The following CEP72 variants were observed in gnomAD, a reference collection of about 807,000 sequenced individuals.
CEP72 encodes the protein centrosomal protein of 72 kDa.
CEP72 carries 78 observed loss-of-function variants against 65.7 expected under a neutral mutation model. That is an observed-to-expected ratio of 1.19 (90% confidence interval 0.99 to 1.43). The LOEUF is 1.43. CEP72 is among the 40% of genes most tolerant of loss of function. The pLI, the probability that CEP72 is intolerant of heterozygous loss-of-function variation, is 0.00. For synonymous variants in CEP72, 358 were observed against 351.7 expected, an observed-to-expected ratio of 1.02 and a Z score of -0.20; for missense variants, 914 against 832.9, an observed-to-expected ratio of 1.10 and a Z score of -1.20.
intron 5 of CEP72, among the ~76,000 whole-genome samples, chr5:634,366 C>A (rs1386033376): frequency 6.6e-6 from 1 of 152,198 alleles, no homozygotes; most frequent in African/African-American, 2.4e-5. Flanking sequence ...TCGGAGACTC[C>A]GTTGCCCGGT....
the CEP72 span, among the ~76,000 whole-genome samples, chr5:673,255 C>A: frequency 6.6e-5 from 10 of 152,218 alleles, no homozygotes; most frequent in African/African-American, 2.4e-4. Flanking sequence ...CCCTGCTCCT[C>A]TCTCTTCCTG....
downstream of CEP72, among the ~76,000 whole-genome samples, chr5:653,898 C>T (rs552271943): frequency 2.6e-5 from 4 of 152,246 alleles, no homozygotes. Context: ...TTTTAAATGA[C>T]GTTCAACTGA....
chr5:635,081 T>C (rs1737495940), intron 5 of CEP72, among the ~76,000 whole-genome samples: 1 of 152,006 alleles, frequency 6.6e-6, no homozygotes, highest in Non-Finnish European at 1.5e-5. Flanking sequence ...TGAGACTGTC[T>C]GGACTCTCTC....
intron 8 of CEP72, among the ~76,000 whole-genome samples, chr5:639,522 G>A (rs1363172822): frequency 6.6e-6 from 1 of 152,224 alleles, no homozygotes; most frequent in Non-Finnish European, 1.5e-5. Flanking sequence ...GCTTGGTTCT[G>A]ATGGCTGTGA....
chr5:618,841 C>T (rs1042432268), intron 1 of CEP72, 149 bp from the exon 2 acceptor site: 16 of 663,124 alleles, frequency 2.4e-5, no homozygotes, highest in South Asian at 1.6e-4. Flanking sequence ...CACAGATGGC[C>T]GAGGAGAAGA....
the CEP72 span, among the ~76,000 whole-genome samples, chr5:673,628 G>C: frequency 6.6e-6 from 1 of 152,180 alleles, no homozygotes; most frequent in Non-Finnish European, 1.5e-5. Context: ...CCCCTCGCTG[G>C]GCTTGGGCCA....
At chr5:649,117 TGTGAATGTGAGGC>T in intron 11 of CEP72, among the ~76,000 whole-genome samples, 1 of 94,112 alleles carries the variant, frequency 1.1e-5, no homozygotes, top group South Asian at 3.4e-4. Flanking sequence ...GACTGTGAGG[TGTGAATGTGAGGC>T]GTGACTGTGA....
rs1474399057 is a variant in CEP72, at chr5:666,031, T to A, written n.524T>A. 8.1e-6 allele frequency: 13 copies of A among 1,601,214 alleles called. No homozygotes were observed. Among genetic ancestry groups the A allele is most frequent in the Non-Finnish European group, 1.1e-5 (13 of 1,174,148 alleles). ...GAGCCTGTGCACCTCGCGAACGGCC[T>A]CCTCGCTGCTCTTGTCTTTGAATCG... On this transcript the variant is annotated non_coding_transcript_exon_variant, in exon 4 of 5. Coordinates refer to the CEP72 transcript ENST00000514507.
downstream of CEP72, among the ~76,000 whole-genome samples, chr5:656,216 T>C (rs1157989456): frequency 6.6e-6 from 1 of 152,232 alleles, no homozygotes; most frequent in Non-Finnish European, 1.5e-5. Context: ...TCTCCTTGTC[T>C]GTCTCTGCCA....
chr5:665,892 C>T, intron 3 of CEP72: 1 of 854,178 alleles, frequency 1.2e-6, no homozygotes. Context: ...CTGACCACCC[C>T]TCCCCCAGGC....
chr5:649,451 GGACTGTGAGGTGT>G (rs1293542085), intron 11 of CEP72, among the ~76,000 whole-genome samples: 41 of 26,530 alleles, frequency 1.5e-3, no homozygotes, highest in African/African-American at 2.2e-3. Flanking sequence ...TGTGAGGTGT[GGACTGTGAGGTGT>G]GACTGTGAGG....
Position 647,921 on chromosome 5 carries a change from C to G in CEP72, c.1778+5C>G. On this transcript the variant is annotated splice_donor_5th_base_variant and intron_variant, in intron 11 of 11. Transcript: ENST00000264935. ...GATGCTGCAGGAGAGCCACAGGTGC[C>G]TGCCCGTGAGACTTGGGTGGGCCCC... 5 of 1,606,418 alleles carry G rather than the reference C, an allele frequency of 3.1e-6. No homozygotes were observed. Among genetic ancestry groups the G allele is most frequent in the Non-Finnish European group, 4.3e-6 (5 of 1,175,980 alleles).
downstream of CEP72, among the ~76,000 whole-genome samples, chr5:654,280 CTGTG>C (rs72464229): frequency 0.1 from 14,845 of 145,126 alleles, 1,568 homozygotes; most frequent in African/African-American, 0.28. Context: ...TGTGCGCTTG[CTGTG>C]TGTGTGTGCA....
chr5:635,662 G>C, intron 6 of CEP72, 78 bp downstream of exon 6: 1 of 1,181,310 alleles, frequency 8.5e-7, no homozygotes, highest in South Asian at 1.3e-5. Context: ...AAGAACAGAA[G>C]CTTATGTGGC....
downstream of CEP72, among the ~76,000 whole-genome samples, chr5:670,619 C>A: frequency 6.6e-6 from 1 of 152,110 alleles, no homozygotes; most frequent in African/African-American, 2.4e-5. Flanking sequence ...CTTAGGGGAG[C>A]CCTGTCTGGC....
downstream of CEP72, chr5:661,542 C>T (rs1398701569): frequency 1.3e-5 from 2 of 152,380 alleles, no homozygotes; most frequent in South Asian, 2.1e-4. Context: ...TCTGTTGAAC[C>T]GTGGTTAGTA....
chr5:668,421 G>T (rs56954833), downstream of CEP72, among the ~76,000 whole-genome samples: 2,419 of 108,074 alleles, frequency 0.022, 358 homozygotes, highest in African/African-American at 0.083. Flanking sequence ...CAGAGAGGGG[G>T]CCGCGTGGGC....
At chr5:620,336 CTGTG>C in intron 3 of CEP72, 75 bp downstream of exon 3, 1 of 1,290,116 alleles carries the variant, frequency 7.8e-7, no homozygotes, top group Non-Finnish European at 1.1e-6. Flanking sequence ...TAGTGGGTGT[CTGTG>C]TGCTCAACGT....
rs1738278036 is a variant in CEP72 at position 644,405 on chromosome 5, CGTTAAATT to C, written c.1647_1654del (p.Leu550AlafsTer48). On this transcript the variant is annotated frameshift_variant, in exon 10 of 12. Coordinates refer to ENST00000264935, the MANE Select transcript of CEP72 (RefSeq NM_018140.4). LOFTEE classifies it high-confidence loss of function. ...GTGAAGAGTGCAGACACTGCAGCCA[CGTTAAATT>C]TGCAGATCGCTGGTAAGTTGATCGT... 6.2e-7 allele frequency: 1 copy of C among 1,613,670 alleles called. No homozygotes were observed. Among genetic ancestry groups the C allele is most frequent in the African/African-American group, 1.3e-5 (1 of 74,918 alleles).
Sources: allele counts gnomAD v4.1 joint callset (sites outside exome capture counted in the v4.1 genomes callset), GRCh38; gene constraint gnomAD v4.1.1; transcripts MANE v1.5; gene names NCBI Gene and HGNC (gene_info 2026-07-23, HGNC 2026-07-21).